The following ERMARD variants were observed in gnomAD, a reference collection of about 807,000 sequenced individuals.
ERMARD encodes endoplasmic reticulum membrane-associated RNA degradation protein.
In ERMARD, 71 loss-of-function variants were observed where a neutral mutation model predicts 83.9. The observed-to-expected ratio is 0.85, with a 90% CI of 0.70 to 1.03. The LOEUF is 1.03. Ranked by LOEUF, ERMARD falls within the 50% of genes least tolerant of loss-of-function variation. The probability of loss-of-function intolerance (pLI) is 0.00; values close to 1 mark genes in which losing one functional copy is unlikely to be tolerated. For synonymous variants in ERMARD, 284 were observed against 298.6 expected, an observed-to-expected ratio of 0.95 and a Z score of 0.50; for missense variants, 838 against 810.9, an observed-to-expected ratio of 1.03 and a Z score of -0.41.
rs1791428854 is a variant in ERMARD, at chr6:169,760,641, G to C, written c.743-1G>C. 1.3e-6 allele frequency: 2 copies of C among 1,574,342 alleles called. No individual in the cohort carries two copies. Among genetic ancestry groups the C allele is most frequent in the Non-Finnish European group, 1.7e-6 (2 of 1,144,888 alleles). Reference sequence around the variant, plus strand: ...GTTTAAAACCGTGTGTTATTTTACAGATGTTACTTATGAGGTGCTTTCAGT... The same window carrying C: ...GTTTAAAACCGTGTGTTATTTTACACATGTTACTTATGAGGTGCTTTCAGT... On this transcript the variant is annotated splice_acceptor_variant, in intron 7 of 17. Transcript: ENST00000366773. LOFTEE classifies it high-confidence loss of function.
chr6:169,773,157 C>A, intron 12 of ERMARD, 162 bp from the exon 13 acceptor site: 1 of 554,506 alleles, frequency 1.8e-6, no homozygotes, highest in South Asian at 2.8e-5. Flanking sequence ...CATTTGCCTG[C>A]CATGTCAAGC....
chr6:169,768,284 A>T (rs1792464880), intron 11 of ERMARD, 113 bp downstream of exon 11: 1 of 919,266 alleles, frequency 1.1e-6, no homozygotes, highest in African/African-American at 1.7e-5. Flanking sequence ...AATACTTCTG[A>T]AACATTGCTG....
In ERMARD at chr6:169,759,945, C is replaced by G. The variant is rs745553707; in HGVS notation, c.713C>G (p.Thr238Arg). 3.0e-5 allele frequency: 49 copies of G among 1,614,114 alleles called. No individual in the cohort carries two copies. The highest frequency in any genetic ancestry group is 3.8e-5 in the Non-Finnish European group (45 of 1,180,046). Reference protein sequence around the residue: ...TLAHRSFISLTNLEDLIVFPD... With the variant: ...TLAHRSFISLRNLEDLIVFPD... The stretch of plus-strand genomic sequence containing the variant: ...GCACATCGCTCTTTCATATCTCTTA[C>G]AAACCTCGAGGATTTGATTGTTTTT... Residue 238 changes from threonine (T) to arginine (R), a missense_variant, in exon 7 of 18, where the codon ACA (threonine) becomes AGA (arginine). Coordinates refer to ENST00000366773, the MANE Select transcript of ERMARD (RefSeq NM_018341.3).
Position 169,755,325 on chromosome 6 carries a change from C to T in ERMARD, c.218C>T (p.Pro73Leu), listed in dbSNP as rs1790658988. The part of the protein sequence containing the change: ...DYWGSVRLLG[P>L]VCEAVHSHFL... ...TGGGGAAGCGTGAGGCTGCTGGGCCCTGTGTGTGAGGCTGTCCATTCACAT... is the reference window on the plus strand; with the variant it reads ...TGGGGAAGCGTGAGGCTGCTGGGCCTTGTGTGTGAGGCTGTCCATTCACAT... Residue 73 changes from proline (P) to leucine (L), a missense_variant, in exon 3 of 18, where the codon CCT becomes CTT. Physicochemically the swap from Pro to Leu is moderately conservative, Grantham distance 98 (BLOSUM62 -3). Transcript: ENST00000366773. The T allele has an allele frequency of 1.2e-6, 2 of 1,614,000 alleles. No individual in the cohort carries two copies. Among genetic ancestry groups the T allele is most frequent in the Non-Finnish European group, 8.5e-7 (1 of 1,180,036 alleles).
intron 13 of ERMARD, 51 bp downstream of exon 13, chr6:169,773,453 C>A: frequency 6.4e-7 from 1 of 1,559,610 alleles, no homozygotes; most frequent in Non-Finnish European, 8.8e-7. Context: ...CTGAAACCAC[C>A]TGTCTTCTGC....
At chr6:169,761,414 A>T (rs1791537108) in intron 8 of ERMARD, among the ~76,000 whole-genome samples, 2 of 152,038 alleles carry the variant, frequency 1.3e-5, no homozygotes, top group Non-Finnish European at 2.9e-5. Context: ...ATGAGGTCTC[A>T]GTCCATTCCC....
intron 10 of ERMARD, chr6:169,766,921 T>C (rs1792284944): frequency 7.8e-6 from 3 of 383,188 alleles, no homozygotes; most frequent in Admixed American, 8.9e-5. Context: ...CATGATTAGC[T>C]ATAATTATTT....
At chr6:169,775,426 G>C in intron 14 of ERMARD, 80 bp downstream of exon 14, 1 of 1,485,182 alleles carries the variant, frequency 6.7e-7, no homozygotes, top group Non-Finnish European at 9.3e-7. Context: ...CTTTAACGAG[G>C]CTGTGGGAAG....
chr6:169,768,013 G>A (rs1467102487), intron 10 of ERMARD, 90 bp from the exon 11 acceptor site: 1 of 1,045,346 alleles, frequency 9.6e-7, no homozygotes, highest in Non-Finnish European at 1.5e-6. Context: ...AACAAGTTAG[G>A]CTAAAAGTAC....
At chr6:169,767,218 A>G (rs1792320899) in intron 10 of ERMARD, 1 of 152,416 alleles carries the variant, frequency 6.6e-6, no homozygotes, top group Non-Finnish European at 1.5e-5. Context: ...TTTGCCTTTA[A>G]GACAACTATT....
intron 17 of ERMARD, among the ~76,000 whole-genome samples, chr6:169,779,983 A>C (rs1424769961): frequency 6.6e-6 from 1 of 152,230 alleles, no homozygotes; most frequent in Non-Finnish European, 1.5e-5. Context: ...CTCGGCTGCT[A>C]GGAAGTTCTG....
chr6:169,751,636 C>T lies in ERMARD; in HGVS notation c.-22C>T. The T allele has an allele frequency of 1.3e-6, 2 of 1,570,370 alleles. No individual in the cohort carries two copies. The highest frequency in any genetic ancestry group is 8.6e-7 in the Non-Finnish European group (1 of 1,157,566). ...CAGGCGCCTGCGTCATTCACGCGCG[C>T]CGCAGCGGGGCACCGGAAGTTATGG... On this transcript the variant is annotated 5_prime_UTR_variant, in exon 1 of 18. Coordinates refer to ENST00000366773, the MANE Select transcript of ERMARD (RefSeq NM_018341.3).
Position 169,765,920 on chromosome 6 carries a change from C to T in ERMARD, c.961-718C>T, listed in dbSNP as rs1349211007. 8.4e-5 allele frequency among the ~76,000 whole-genome samples: 7 copies of T among 83,368 alleles called. 1 individual carries two copies. Among genetic ancestry groups the T allele is most frequent in the African/African-American group, 2.6e-4 (4 of 15,166 alleles). The allele number at this position is 83,368 out of a possible 152,430, so 54.7% of individuals were successfully genotyped here. A position where few individuals can be genotyped will look rare whatever the true frequency, so the allele number is the denominator to read the frequency against. On this transcript the variant is annotated intron_variant, in intron 9 of 17. Coordinates refer to ENST00000366773, the MANE Select transcript of ERMARD (RefSeq NM_018341.3). ...CTGTCAAATCTCACTGAAGTGATTT[C>T]GTCACGCTGTCTGTCAAATCTCACT...
rs879599168 is a variant in ERMARD at position 169,776,498 on chromosome 6, A to C, written c.1564A>C (p.Thr522Pro). 1.2e-6 allele frequency: 2 copies of C among 1,613,750 alleles called. No homozygotes were observed. Among genetic ancestry groups the C allele is most frequent in the Admixed American group, 3.3e-5 (2 of 59,964 alleles). The stretch of plus-strand genomic sequence containing the variant: ...TGAGCTCTGCAGCACACCTGTTCCC[A>C]CCCTGTTCTGCCCCAGGATTGTGCT... ...LRELCSTPVP[T>P]LFCPRIVLEV... The change falls in exon 16 of 18, where the codon ACC becomes CCC. Residue 522 changes from threonine (T) to proline (P), a missense_variant. Coordinates refer to ENST00000366773, the MANE Select transcript of ERMARD (RefSeq NM_018341.3).
chr6:169,751,801 G>C, intron 1 of ERMARD, 138 bp downstream of exon 1: 1 of 1,277,668 alleles, frequency 7.8e-7, no homozygotes, highest in Non-Finnish European at 1.0e-6. Context: ...GAGGGCGCTG[G>C]CGACGTCGCG....
intron 6 of ERMARD, among the ~76,000 whole-genome samples, chr6:169,759,504 CCTCCT>C (rs1563014117): frequency 2.0e-5 from 3 of 152,126 alleles, no homozygotes; most frequent in African/African-American, 7.2e-5. Context: ...ATTACAACCT[CCTCCT>C]CCCAGGCTTA....
chr6:169,773,550 T>C, intron 13 of ERMARD, 148 bp downstream of exon 13: 1 of 694,488 alleles, frequency 1.4e-6, no homozygotes, highest in Non-Finnish European at 2.4e-6. Context: ...GGGCCTGCTG[T>C]GGCGCTGGCC....
intron 16 of ERMARD, 96 bp downstream of exon 16, chr6:169,776,769 C>T: frequency 3.6e-6 from 5 of 1,401,436 alleles, no homozygotes; most frequent in Non-Finnish European, 3.9e-6. Context: ...ACACAGTAGC[C>T]CCTCACTGAA....
intron 7 of ERMARD, among the ~76,000 whole-genome samples, chr6:169,760,262 A>G (rs553174139): frequency 3.9e-5 from 6 of 152,288 alleles, no homozygotes; most frequent in East Asian, 1.9e-4. Context: ...AGGCTGTTGT[A>G]TGATGTACAT....
Sources: gnomAD v4.1 joint callset for allele counts (sites outside exome capture counted in the v4.1 genomes callset) on GRCh38, gnomAD v4.1.1 for gene constraint, MANE v1.5 for transcripts, NCBI Gene and HGNC (gene_info 2026-07-23, HGNC 2026-07-21) for gene names.